ADAM28: variants seen among roughly 807,000 people sequenced by gnomAD.
The protein encoded by ADAM28 is ADAM metallopeptidase domain 28.
Under a neutral mutation model 101.2 loss-of-function variants are expected in ADAM28, and 105 were observed. The observed-to-expected ratio is 1.04, with a 90% confidence interval of 0.89 to 1.22. The LOEUF is 1.22. Among genes scored for constraint, ADAM28 ranks in the 50% most tolerant of loss-of-function variants. The pLI is 0.00. For missense variants in ADAM28, 1,028 were observed against 945.4 expected (o/e 1.09, Z -1.15); for synonymous variants, 322 against 310.6 (o/e 1.04, Z -0.39).
chr8:24,308,850 C>A, intron 2 of ADAM28: 1 of 371,478 alleles, frequency 2.7e-6, no homozygotes, highest in Non-Finnish European at 5.3e-6. Flanking sequence ...CATGCCTTGT[C>A]TGTCTGTGAG....
In ADAM28 at chr8:24,331,286, T is replaced by C. The variant is rs1813326591; in HGVS notation, c.1240T>C (p.Leu414=). The C allele has an allele frequency of 5.6e-6, 9 of 1,612,636 alleles. No homozygotes were observed. The highest frequency in any genetic ancestry group is 7.6e-6 in the Non-Finnish European group (9 of 1,179,282). The stretch of plus-strand genomic sequence containing the variant: ...ATCCACTCCAATTTGTGGGAACCAG[T>C]TGGTGGAAATGGGAGAGGACTGTGA... The part of the protein sequence containing the change: ...IISTPICGNQ[L]VEMGEDCDCG... Residue 414 remains leucine, a synonymous_variant, in exon 12 of 23, where the codon TTG becomes CTG. Coordinates refer to ENST00000265769, the MANE Select transcript of ADAM28 (RefSeq NM_014265.6).
At chr8:24,310,418 CA>C in intron 4 of ADAM28, 177 bp downstream of exon 4, 1 of 590,496 alleles carries the variant, frequency 1.7e-6, no homozygotes, top group Non-Finnish European at 2.8e-6. Context: ...TTAACAAGAA[CA>C]AAACAATTTC....
chr8:24,304,960 A>G (rs1809363769), intron 2 of ADAM28, among the ~76,000 whole-genome samples: 1 of 151,378 alleles, frequency 6.6e-6, no homozygotes, highest in Admixed American at 6.6e-5. Flanking sequence ...TGCCCTGTGT[A>G]GCCCATCATA....
chr8:24,310,372 A>C, intron 4 of ADAM28, 131 bp downstream of exon 4: 1 of 724,000 alleles, frequency 1.4e-6, no homozygotes, highest in Non-Finnish European at 2.2e-6. Flanking sequence ...AGTAGCCATT[A>C]CTTAAAATAT....
chr8:24,298,729 C>T (rs1424374455), intron 1 of ADAM28, among the ~76,000 whole-genome samples: 1 of 152,144 alleles, frequency 6.6e-6, no homozygotes, highest in Non-Finnish European at 1.5e-5. Flanking sequence ...AGAGTTAGGC[C>T]CCATTCTGCT....
At position 24,324,794 on chromosome 8, in the gene ADAM28, A is replaced by C. The variant is rs141345882; in HGVS notation, c.890+791A>C. ...TGTCTATATCCCCTTTCATGTGCCT[A>C]ACTTGAGTTTCCTTCAATATGGCTA... On this transcript the variant is annotated intron_variant, in intron 9 of 22. Transcript: ENST00000265769. Among the ~76,000 whole-genome samples, 4 of 152,068 alleles carry C rather than the reference A, an allele frequency of 2.6e-5. No individual in the cohort carries two copies. The East Asian group carries it at 7.8e-4, about 29-fold the overall frequency.
chr8:24,309,873 A>C (rs1346484813), intron 2 of ADAM28, 21 bp from the exon 3 acceptor site: 1 of 1,464,486 alleles, frequency 6.8e-7, no homozygotes. Flanking sequence ...ATTACAAGTA[A>C]ATGTTTGTGT....
intron 6 of ADAM28, among the ~76,000 whole-genome samples, chr8:24,313,919 A>G (rs12676551): frequency 0.18 from 27,250 of 151,866 alleles, 2,613 homozygotes; most frequent in East Asian, 0.34. Context: ...CACCATGCCC[A>G]GCTAATTTTG....
At chr8:24,323,621 G>A (rs555177391) in intron 8 of ADAM28, among the ~76,000 whole-genome samples, 22 of 151,858 alleles carry the variant, frequency 1.4e-4, no homozygotes, top group Admixed American at 9.9e-4. Context: ...AGAAGTTTAC[G>A]GACCTAAACT....
intron 2 of ADAM28, among the ~76,000 whole-genome samples, chr8:24,300,708 CT>C (rs1459961524): frequency 1.1e-4 from 16 of 152,138 alleles, no homozygotes; most frequent in Non-Finnish European, 1.9e-4. Flanking sequence ...GAGCTACCGC[CT>C]AGCCATAAAT....
intron 2 of ADAM28, among the ~76,000 whole-genome samples, chr8:24,309,600 T>C (rs1265132574): frequency 6.6e-6 from 1 of 152,142 alleles, no homozygotes; most frequent in Non-Finnish European, 1.5e-5. Context: ...TAGAGTAGAA[T>C]TTTCAAAACC....
chr8:24,323,744 G>A (rs1812181910), intron 8 of ADAM28, 90 bp from the exon 9 acceptor site: 7 of 1,300,024 alleles, frequency 5.4e-6, no homozygotes, highest in Non-Finnish European at 7.3e-6. Context: ...CTGCTGTGAT[G>A]AATGTTTAAA....
At chr8:24,310,006 G>C (rs769023124) in intron 3 of ADAM28, 36 bp downstream of exon 3, 4 of 1,519,500 alleles carry the variant, frequency 2.6e-6, no homozygotes, top group Admixed American at 1.7e-5. Flanking sequence ...TCCTCAGCAA[G>C]AGCAAGGCAG....
chr8:24,295,585 A>C (rs983706329), intron 1 of ADAM28, among the ~76,000 whole-genome samples: 2 of 152,138 alleles, frequency 1.3e-5, no homozygotes, highest in Non-Finnish European at 2.9e-5. Flanking sequence ...GTAAAGATCA[A>C]GCTGGATCCA....
In ADAM28 at chr8:24,326,678, T is replaced by C. The variant is rs759707753; in HGVS notation, c.972+43T>C. On this transcript the variant is annotated intron_variant, in intron 10 of 22. Transcript: ENST00000265769. ...CTGTTGGTTCTATGATTTACATTTA[T>C]CAAATGCTTTTTAAAAAATCTATAG... The C allele has an allele frequency of 4.5e-6, 7 of 1,561,090 alleles. No homozygotes were observed. The East Asian group carries it at 1.6e-4, about 35-fold the overall frequency.
At position 24,306,385 on chromosome 8, in the gene ADAM28, TTTAA is replaced by T. The variant is rs1168864111; in HGVS notation, c.151-3508_151-3505del. On this transcript the variant is annotated intron_variant, in intron 2 of 22. Transcript: ENST00000265769. ...ATAAATATATATATATATATATATA[TTTAA>T]AAATATATATATATATGTTCCACAC... Among the ~76,000 whole-genome samples the T allele has an allele frequency of 3.3e-3, 396 of 121,024 alleles. 7 individuals carry two copies. Among genetic ancestry groups the T allele is most frequent in the East Asian group, 9.0e-3 (29 of 3,226 alleles). 79.4% of individuals were successfully genotyped at this position (121,024 alleles called of 152,430 possible).
chr8:24,348,302 A>T (rs1196959434), intron 18 of ADAM28, among the ~76,000 whole-genome samples: 2 of 152,180 alleles, frequency 1.3e-5, no homozygotes, highest in Non-Finnish European at 2.9e-5. Flanking sequence ...GACAGTTGAC[A>T]TATACCCAGC....
intron 8 of ADAM28, among the ~76,000 whole-genome samples, chr8:24,321,603 G>A (rs1330363857): frequency 6.6e-6 from 1 of 151,932 alleles, no homozygotes; most frequent in Non-Finnish European, 1.5e-5. Flanking sequence ...ACAGAAAGCT[G>A]GTCCAGAGGG....
At chr8:24,336,981 A>T (rs1022505500) in intron 14 of ADAM28, among the ~76,000 whole-genome samples, 2 of 152,210 alleles carry the variant, frequency 1.3e-5, no homozygotes, top group African/African-American at 4.8e-5. Context: ...GAAACTTTTC[A>T]TAATTCCTGA....
Sources: allele counts gnomAD v4.1 joint callset (sites outside exome capture counted in the v4.1 genomes callset), GRCh38; gene constraint gnomAD v4.1.1; transcripts MANE v1.5; gene names NCBI Gene and HGNC (gene_info 2026-07-23, HGNC 2026-07-21).